TDRD9: variants seen among roughly 807,000 people sequenced by gnomAD.
The protein encoded by TDRD9 is tudor domain containing 9.
In TDRD9, 124 loss-of-function variants were observed where a neutral mutation model predicts 172.6. That is an observed-to-expected ratio of 0.72 (90% confidence interval 0.62 to 0.83). The LOEUF (loss-of-function observed/expected upper bound fraction) is 0.83, where lower values mean the gene tolerates loss of function less well. Ranked by LOEUF, TDRD9 falls within the 40% of genes least tolerant of loss-of-function variation. The pLI, the probability that TDRD9 is intolerant of heterozygous loss-of-function variation, is 0.00. For missense variants in TDRD9, 1,479 were observed against 1,714.1 expected (o/e 0.86, Z 2.42); for synonymous variants, 619 against 617.1 (o/e 1.00, Z -0.05).
At chr14:103,979,393 G>C (rs947766211) in intron 7 of TDRD9, among the ~76,000 whole-genome samples, 1 of 152,162 alleles carries the variant, frequency 6.6e-6, no homozygotes, top group Admixed American at 6.5e-5. Flanking sequence ...GGTTTATTTG[G>C]CTCACAGTTC....
At chr14:103,985,237 T>C (rs144177528) in intron 7 of TDRD9, among the ~76,000 whole-genome samples, 1 of 152,170 alleles carries the variant, frequency 6.6e-6, no homozygotes, top group African/African-American at 2.4e-5. Flanking sequence ...CAGAATGATA[T>C]GGTTTAGCTG....
At chr14:103,961,294 C>T (rs929483142) in intron 2 of TDRD9, among the ~76,000 whole-genome samples, 2 of 152,104 alleles carry the variant, frequency 1.3e-5, no homozygotes, top group Non-Finnish European at 2.9e-5. Context: ...GATTAAAAAG[C>T]CATAGGTCAG....
chr14:103,939,743 G>GTTTTTTTTTTTTTTTTTTTTT (rs371934680), intron 1 of TDRD9: 6 of 17,458 alleles, frequency 3.4e-4, no homozygotes, highest in Admixed American at 7.3e-4. Context: ...GAAAAAAAGT[G>GTTTTTTTTTTTTTTTTTTTTT]TTTTTTTTTT....
chr14:103,928,813 G>T, intron 1 of TDRD9, 89 bp downstream of exon 1: 3 of 384,222 alleles, frequency 7.8e-6, no homozygotes, highest in South Asian at 2.5e-4. Context: ...CTTCTCGCGA[G>T]CCCGTGCCCT....
rs192920665 is a variant in TDRD9 at position 104,050,170 on chromosome 14, T to C, written c.4047+490T>C. Among the ~76,000 whole-genome samples the C allele has an allele frequency of 3.9e-4, 59 of 152,302 alleles. 1 individual carries two copies. The highest frequency in any genetic ancestry group is 1.4e-3 in the African/African-American group (57 of 41,568). On this transcript the variant is annotated intron_variant, in intron 35 of 35. Transcript: ENST00000409874. ...AGGGAAGGTGCCAGTTTGTGGGTCC[T>C]TGTGAGGACCTCTGAGGGACATCTG...
Position 103,928,472 on chromosome 14 carries a change from C to T in TDRD9, c.-38C>T. ...CCGTCGCCTGTTCCCGCCGCGGAGACCCGGCAGTTGGGGGATGCCGACGCC... is the reference window on the plus strand; with the variant it reads ...CCGTCGCCTGTTCCCGCCGCGGAGATCCGGCAGTTGGGGGATGCCGACGCC... On this transcript the variant is annotated 5_prime_UTR_variant, in exon 1 of 36. Transcript: ENST00000409874. 2.1e-6 allele frequency: 3 copies of T among 1,426,880 alleles called. No individual in the cohort carries two copies. Among genetic ancestry groups the T allele is most frequent in the African/African-American group, 1.5e-5 (1 of 66,328 alleles). The allele number at this position is 1,426,880 out of a possible 1,614,324, so 88.4% of individuals were successfully genotyped here. A position where few individuals can be genotyped will look rare whatever the true frequency, so the allele number is the denominator to read the frequency against.
At chr14:104,040,764 TC>T (rs2035590116) in intron 33 of TDRD9, among the ~76,000 whole-genome samples, 1 of 152,206 alleles carries the variant, frequency 6.6e-6, no homozygotes, top group Non-Finnish European at 1.5e-5. Context: ...GAGGGCTGGG[TC>T]AGCGTGAGTG....
chr14:104,041,074 G>T lies in TDRD9; in HGVS notation c.3855+740G>T, dbSNP rs2035598449. On this transcript the variant is annotated intron_variant, in intron 33 of 35. Coordinates refer to ENST00000409874, the MANE Select transcript of TDRD9 (RefSeq NM_153046.3). ...CCTTTCTTTCTTAGAAGTTCCATGA[G>T]ACGGGTGAGGTTAACATAACCACAC... is the stretch of plus-strand genomic sequence containing the variant. 2.0e-5 allele frequency among the ~76,000 whole-genome samples: 3 copies of T among 152,196 alleles called. No individual in the cohort carries two copies. In the South Asian group the frequency reaches 6.2e-4, roughly 32 times the overall value.
chr14:104,045,144 GAAA>G (rs143411044), intron 34 of TDRD9, among the ~76,000 whole-genome samples: 1 of 140,472 alleles, frequency 7.1e-6, no homozygotes, highest in Admixed American at 7.1e-5. Context: ...ACTCTATCAG[GAAA>G]AAAAAAAAAA....
At chr14:103,966,601 C>A in intron 4 of TDRD9, 108 bp from the exon 5 acceptor site, 2 of 1,122,104 alleles carry the variant, frequency 1.8e-6, no homozygotes, top group South Asian at 2.1e-5. Context: ...GTGTATCTTT[C>A]GAAATACCTT....
chr14:104,008,823 A>C (rs1258698004), intron 20 of TDRD9, among the ~76,000 whole-genome samples: 1 of 152,132 alleles, frequency 6.6e-6, no homozygotes, highest in African/African-American at 2.4e-5. Flanking sequence ...CTGAGGTGAG[A>C]GGTTTGCATG....
At chr14:103,979,617 A>G (rs1286654992) in intron 7 of TDRD9, among the ~76,000 whole-genome samples, 1 of 152,166 alleles carries the variant, frequency 6.6e-6, no homozygotes, top group Non-Finnish European at 1.5e-5. Context: ...CCCATGTCCC[A>G]CACACCTGCT....
chr14:103,960,337 G>C (rs1391318664), intron 2 of TDRD9, among the ~76,000 whole-genome samples: 2 of 152,192 alleles, frequency 1.3e-5, no homozygotes, highest in Non-Finnish European at 2.9e-5. Context: ...GGTTGATGGT[G>C]ATATAGTGAT....
Position 104,026,067 on chromosome 14 carries a change from C to T in TDRD9, c.2952C>T (p.Gly984=), listed in dbSNP as rs777589480. The change falls in exon 27 of 36, where the codon GGC becomes GGT. Residue 984 remains glycine, a synonymous_variant. Transcript: ENST00000409874. Reference sequence around the variant, plus strand: ...TCTAGGTATTCTTTGTAGATTATGGCAATAAGTCTCATGTAGATCTACATC... The same window carrying T: ...TCTAGGTATTCTTTGTAGATTATGGTAATAAGTCTCATGTAGATCTACATC... ...NSAEVFFVDY[G]NKSHVDLHLL... is the part of the protein sequence containing the mutation. The T allele has an allele frequency of 6.2e-7, 1 of 1,608,788 alleles. No individual in the cohort carries two copies.
intron 5 of TDRD9, 102 bp downstream of exon 5, chr14:103,966,933 T>A: frequency 8.9e-7 from 1 of 1,125,488 alleles, no homozygotes. Flanking sequence ...GCTTTCTTTA[T>A]TTTTTCCTTC....
chr14:103,983,173 C>T (rs2033545151), intron 7 of TDRD9, among the ~76,000 whole-genome samples: 1 of 144,388 alleles, frequency 6.9e-6, no homozygotes, highest in Non-Finnish European at 1.5e-5. Context: ...GAGTGATTTT[C>T]CTGCCTCAGT....
chr14:104,006,566 A>C lies in TDRD9; in HGVS notation c.1879+12A>C. The C allele has an allele frequency of 6.2e-7, 1 of 1,612,992 alleles. No individual in the cohort carries two copies. Among genetic ancestry groups the C allele is most frequent in the South Asian group, 1.1e-5 (1 of 91,030 alleles). ...ATGTCTTATTATAGGTAAGTGTGAG[A>C]ACAAATAAATGCTAATGGGAAGTTT... On this transcript the variant is annotated intron_variant, in intron 16 of 35. Transcript: ENST00000409874.
At chr14:103,946,718 A>G (rs1011712840) in intron 1 of TDRD9, among the ~76,000 whole-genome samples, 14 of 152,244 alleles carry the variant, frequency 9.2e-5, no homozygotes, top group Admixed American at 2.6e-4. Context: ...CTACAAAGTT[A>G]ACACACAAAA....
At position 104,008,443 on chromosome 14, in the gene TDRD9, A is replaced by G. The variant is rs758506674; in HGVS notation, c.2083A>G (p.Ile695Val). The G allele has an allele frequency of 6.4e-5, 100 of 1,565,850 alleles. No individual in the cohort carries two copies. Among genetic ancestry groups the G allele is most frequent in the Non-Finnish European group, 8.7e-5 (99 of 1,137,502 alleles). Residue 695 changes from isoleucine (I) to valine (V), a missense_variant, in exon 20 of 36, where the codon ATT becomes GTT. Physicochemically the swap from Ile to Val is conservative, Grantham distance 29. Transcript: ENST00000409874. Reference sequence around the variant, plus strand: ...ACTTAATTGGGGACGGTTAAATTACATTCAAATCAAGAGAATTAGAGAGGT... The same window carrying G: ...ACTTAATTGGGGACGGTTAAATTACGTTCAAATCAAGAGAATTAGAGAGGT... ...DELNWGRLNY[I>V]QIKRIREVAE...
Sources: allele counts gnomAD v4.1 joint callset (sites outside exome capture counted in the v4.1 genomes callset), GRCh38; gene constraint gnomAD v4.1.1; transcripts MANE v1.5; gene names NCBI Gene and HGNC (gene_info 2026-07-23, HGNC 2026-07-21).